ABAT: variants seen among roughly 807,000 people sequenced by gnomAD.
ABAT encodes 4-aminobutyrate aminotransferase, mitochondrial.
Under a neutral mutation model 64.6 loss-of-function variants are expected in ABAT, and 45 were observed. That is an observed-to-expected ratio of 0.70 (90% CI 0.55 to 0.89). The LOEUF (loss-of-function observed/expected upper bound fraction) is 0.89, where lower values mean the gene tolerates loss of function less well. Ranked by LOEUF, ABAT falls within the 40% of genes least tolerant of loss-of-function variation. ABAT has a pLI of 0.00. For synonymous variants in ABAT, 297 were observed against 250.5 expected (o/e 1.19, Z -1.75); for missense variants, 633 against 658.4 (o/e 0.96, Z 0.42).
At chr16:8,743,538 GT>G (rs1399313730) in intron 2 of ABAT, among the ~76,000 whole-genome samples, 12 of 134,090 alleles carry the variant, frequency 8.9e-5, no homozygotes, top group Non-Finnish European at 1.7e-4. Context: ...ATGTATTTTA[GT>G]TATAATATAT....
In ABAT at chr16:8,776,218, C is replaced by T; in HGVS notation, c.1123-126C>T. 7.5e-7 allele frequency: 1 copy of T among 1,328,160 alleles called. No homozygotes were observed. The highest frequency in any genetic ancestry group is 2.3e-5 in the East Asian group (1 of 43,240). The allele number at this position is 1,328,160 out of a possible 1,614,324, so 82.3% of individuals were successfully genotyped here. ...AGATTGGGTGTGTTCCCCTGCCAGC[C>T]TCTGGTAGATGCCCACTAGATTAGT... On this transcript the variant is annotated intron_variant, in intron 13 of 15. Coordinates refer to ENST00000268251, the MANE Select transcript of ABAT (RefSeq NM_020686.6). The surrounding 1 kb of genome is among the most constrained non-coding windows in gnomAD (Gnocchi z 4.4).
chr16:8,772,093 A>G (rs899214273), intron 11 of ABAT, among the ~76,000 whole-genome samples: 1 of 152,266 alleles, frequency 6.6e-6, no homozygotes, highest in East Asian at 1.9e-4. Context: ...CCGAGGATAT[A>G]TCTCCGATTC....
intron 5 of ABAT, among the ~76,000 whole-genome samples, chr16:8,757,523 T>C (rs2059682309): frequency 6.6e-6 from 1 of 152,166 alleles, no homozygotes; most frequent in South Asian, 2.1e-4. Flanking sequence ...TGAACAAGCA[T>C]CAGAATCTCC....
chr16:8,694,422 C>T (rs779020985), intron 1 of ABAT, among the ~76,000 whole-genome samples: 1 of 152,062 alleles, frequency 6.6e-6, no homozygotes, highest in Non-Finnish European at 1.5e-5. Context: ...CAGGGTCTTG[C>T]TCTGTCACCC....
intron 1 of ABAT, among the ~76,000 whole-genome samples, chr16:8,724,119 G>A (rs1283235319): frequency 6.6e-6 from 1 of 151,852 alleles, no homozygotes; most frequent in African/African-American, 2.4e-5. Context: ...GGGATTCCAA[G>A]TGTGAGCCAC....
At chr16:8,704,888 G>T (rs1022895165) in intron 1 of ABAT, among the ~76,000 whole-genome samples, 18 of 151,960 alleles carry the variant, frequency 1.2e-4, no homozygotes, top group Admixed American at 9.2e-4. Flanking sequence ...GTCTCACTAT[G>T]TTGCCCAGGC....
intron 1 of ABAT, among the ~76,000 whole-genome samples, chr16:8,676,164 G>A (rs533411433): frequency 1.3e-5 from 2 of 152,230 alleles, no homozygotes; most frequent in Admixed American, 6.5e-5. Context: ...AGAGAAATGT[G>A]TTTTCTCGAG....
chr16:8,747,340 CTTTT>C (rs1351781201), intron 3 of ABAT, among the ~76,000 whole-genome samples: 1 of 152,256 alleles, frequency 6.6e-6, no homozygotes, highest in East Asian at 1.9e-4. Flanking sequence ...AAACATACTT[CTTTT>C]GTCATTGCAA....
intron 1 of ABAT, among the ~76,000 whole-genome samples, chr16:8,708,545 C>G (rs575121238): frequency 1.3e-5 from 2 of 152,188 alleles, no homozygotes; most frequent in Non-Finnish European, 2.9e-5. Flanking sequence ...AAGCAATCTC[C>G]CTGCCTCTGC....
chr16:8,779,719 C>G (rs45545237), intron 15 of ABAT, 129 bp downstream of exon 15: 144,345 of 731,768 alleles, frequency 0.2, 14,780 homozygotes, highest in Middle Eastern at 0.26. Flanking sequence ...TGAAAAGAGC[C>G]TGAATGCTCT....
intron 1 of ABAT, among the ~76,000 whole-genome samples, chr16:8,722,147 T>C (rs912589411): frequency 2.6e-5 from 4 of 152,248 alleles, no homozygotes; most frequent in African/African-American, 7.2e-5. Flanking sequence ...TGCCAGTCTC[T>C]AGGGAAAGGA....
At chr16:8,749,867 C>A (rs1372399155) in intron 4 of ABAT, among the ~76,000 whole-genome samples, 1 of 152,110 alleles carries the variant, frequency 6.6e-6, no homozygotes, top group Non-Finnish European at 1.5e-5. Flanking sequence ...GCGTGCACCA[C>A]CACGCCTGGC....
At chr16:8,712,278 C>G (rs1168672064) in intron 1 of ABAT, among the ~76,000 whole-genome samples, 4 of 152,014 alleles carry the variant, frequency 2.6e-5, no homozygotes, top group African/African-American at 9.7e-5. Flanking sequence ...TAAAAATTAC[C>G]AAGTGCTTAC....
At chr16:8,729,484 T>C (rs1206316921) in intron 1 of ABAT, among the ~76,000 whole-genome samples, 1 of 151,966 alleles carries the variant, frequency 6.6e-6, no homozygotes, top group East Asian at 1.9e-4. Context: ...CCTACTCCTA[T>C]AGATGTTTGA....
chr16:8,702,499 C>G (rs566762119), intron 1 of ABAT, among the ~76,000 whole-genome samples: 1 of 152,112 alleles, frequency 6.6e-6, no homozygotes, highest in Non-Finnish European at 1.5e-5. Flanking sequence ...GTAATCCTCC[C>G]GCCTCGGCCT....
intron 1 of ABAT, among the ~76,000 whole-genome samples, chr16:8,676,819 C>T (rs549493109): frequency 1.3e-5 from 2 of 152,358 alleles, no homozygotes; most frequent in Admixed American, 1.3e-4. Flanking sequence ...CGCCCTCTGG[C>T]TTTGAGTTCC....
At chr16:8,750,599 G>T in intron 5 of ABAT, 60 bp downstream of exon 5, 1 of 1,500,834 alleles carries the variant, frequency 6.7e-7, no homozygotes, top group South Asian at 1.1e-5. Context: ...CCTAGTCGTG[G>T]CTATCCAGGT....
intron 2 of ABAT, among the ~76,000 whole-genome samples, chr16:8,742,992 G>A (rs1342951200): frequency 3.8e-5 from 5 of 131,810 alleles, no homozygotes; most frequent in East Asian, 2.2e-4. Flanking sequence ...GCAACATAGC[G>A]AGACCTCATT....
At position 8,776,841 on chromosome 16, in the gene ABAT, A is replaced by G. The variant is rs2060279256; in HGVS notation, c.1269+351A>G. ...CGATCCTTCCACCTCAGCCTCCCAAAGTGCTGGGCAGCGCCTGCCGGCACT... is the reference window on the plus strand; with the variant it reads ...CGATCCTTCCACCTCAGCCTCCCAAGGTGCTGGGCAGCGCCTGCCGGCACT... On this transcript the variant is annotated intron_variant, in intron 14 of 15. Transcript: ENST00000268251. This position sits in a 1 kb window ranked among gnomAD's most constrained non-coding sequence, Gnocchi z 4.4. Among the ~76,000 whole-genome samples, 1 of 151,728 alleles carries G rather than the reference A, an allele frequency of 6.6e-6. No individual in the cohort carries two copies. The highest frequency in any genetic ancestry group is 1.5e-5 in the Non-Finnish European group (1 of 67,926).
Sources: allele counts gnomAD v4.1 joint callset (sites outside exome capture counted in the v4.1 genomes callset), GRCh38; gene constraint gnomAD v4.1.1; non-coding constraint Gnocchi (gnomAD v3.1); transcripts MANE v1.5; gene names NCBI Gene and HGNC (gene_info 2026-07-23, HGNC 2026-07-21).